Variants in FAM135B observed in about 807,000 individuals in gnomAD.
FAM135B encodes protein FAM135B.
In FAM135B, 43 loss-of-function variants were observed where a neutral mutation model predicts 127.7. That is an observed-to-expected ratio of 0.34 (90% CI 0.26 to 0.43). The LOEUF is 0.43. Among genes scored for constraint, FAM135B ranks in the 20% least tolerant of loss-of-function variants. The pLI is 1.00. For synonymous variants in FAM135B, 670 were observed against 665.1 expected (o/e 1.01, Z -0.11); for missense variants, 1,558 against 1,725.6 (o/e 0.90, Z 1.72).
chr8:138,274,679 G>A (rs1390177255), intron 3 of FAM135B, among the ~76,000 whole-genome samples: 5 of 152,004 alleles, frequency 3.3e-5, no homozygotes, highest in African/African-American at 9.7e-5. Context: ...AGACGACCAC[G>A]CCCAGGGGAG....
chr8:138,147,682 A>G (rs771522243), intron 14 of FAM135B, among the ~76,000 whole-genome samples: 4 of 152,206 alleles, frequency 2.6e-5, no homozygotes, highest in Non-Finnish European at 5.9e-5. Flanking sequence ...CTTGTTGCCC[A>G]GTTGATAATG....
intron 2 of FAM135B, among the ~76,000 whole-genome samples, chr8:138,315,727 C>A (rs1211153346): frequency 6.6e-6 from 1 of 151,194 alleles, no homozygotes; most frequent in Non-Finnish European, 1.5e-5. Flanking sequence ...AACTGAAGAA[C>A]ATTATGCTTA....
intron 1 of FAM135B, among the ~76,000 whole-genome samples, chr8:138,368,645 G>A (rs1587256375): frequency 2.6e-5 from 4 of 152,128 alleles, no homozygotes. Flanking sequence ...AGAGCATGTG[G>A]GTGCTGCTGC....
intron 9 of FAM135B, among the ~76,000 whole-genome samples, chr8:138,189,604 G>A (rs929264294): frequency 6.6e-6 from 1 of 152,170 alleles, no homozygotes; most frequent in East Asian, 1.9e-4. Flanking sequence ...AGATGCTGCT[G>A]TGAGGCCCAC....
intron 1 of FAM135B, among the ~76,000 whole-genome samples, chr8:138,465,479 C>G: frequency 6.6e-6 from 1 of 152,210 alleles, no homozygotes; most frequent in East Asian, 1.9e-4. Flanking sequence ...GTCCTTTTCA[C>G]TGATGGAGCT....
intron 12 of FAM135B, among the ~76,000 whole-genome samples, chr8:138,164,813 G>A (rs1268886176): frequency 1.3e-5 from 2 of 152,216 alleles, no homozygotes; most frequent in African/African-American, 4.8e-5. Context: ...TCCTGAGGCT[G>A]TGTCACGGGT....
At position 138,162,116 on chromosome 8, in the gene FAM135B, TAGG is replaced by T. The variant is rs1428207918; in HGVS notation, c.1258+5776_1258+5778del. Among the ~76,000 whole-genome samples, 13 of 152,264 alleles carry T rather than the reference TAGG, an allele frequency of 8.5e-5. No individual in the cohort carries two copies. In the East Asian group the frequency reaches 2.5e-3, roughly 29 times the overall value. On this transcript the variant is annotated intron_variant, in intron 12 of 19. Transcript: ENST00000395297. Reference sequence around the variant, plus strand: ...AAAATCCCTATCCTAGGCAGTGGCTTAGGAGGAGGGAAAGTGAGTACTAGTTAT... The same window carrying T: ...AAAATCCCTATCCTAGGCAGTGGCTTAGGAGGGAAAGTGAGTACTAGTTAT...
At chr8:138,455,451 T>C (rs1402080983) in intron 1 of FAM135B, among the ~76,000 whole-genome samples, 1 of 152,170 alleles carries the variant, frequency 6.6e-6, no homozygotes, top group Non-Finnish European at 1.5e-5. Context: ...GATGAAATAA[T>C]AATAAACAAT....
At chr8:138,472,073 A>C (rs1837705157) in intron 1 of FAM135B, among the ~76,000 whole-genome samples, 1 of 152,172 alleles carries the variant, frequency 6.6e-6, no homozygotes. Context: ...AATAAATGAG[A>C]AAATGAGGAC....
intron 1 of FAM135B, among the ~76,000 whole-genome samples, chr8:138,432,066 C>T (rs529700380): frequency 3.9e-5 from 6 of 152,278 alleles, no homozygotes; most frequent in South Asian, 2.1e-4. Flanking sequence ...CCCATCAGAA[C>T]GATCCCTGGG....
At chr8:138,239,336 C>T (rs956014546) in intron 7 of FAM135B, among the ~76,000 whole-genome samples, 11 of 152,248 alleles carry the variant, frequency 7.2e-5, no homozygotes, top group African/African-American at 2.6e-4. Flanking sequence ...TTTCATGTGT[C>T]TATTGGCTGC....
chr8:138,167,713 G>C (rs985711489), intron 12 of FAM135B, among the ~76,000 whole-genome samples, 182 bp downstream of exon 12: 1 of 152,036 alleles, frequency 6.6e-6, no homozygotes, highest in Non-Finnish European at 1.5e-5. Context: ...TTGTTAGATC[G>C]TTTTGTCTAT....
intron 1 of FAM135B, among the ~76,000 whole-genome samples, chr8:138,383,655 GT>G (rs577094379): frequency 1.3e-5 from 2 of 152,260 alleles, no homozygotes; most frequent in Middle Eastern, 3.4e-3. Flanking sequence ...AAAGAACATC[GT>G]TTTTTGTGTG....
At chr8:138,155,897 A>G (rs969067576) in intron 12 of FAM135B, among the ~76,000 whole-genome samples, 11 of 152,172 alleles carry the variant, frequency 7.2e-5, no homozygotes, top group Non-Finnish European at 1.5e-4. Context: ...CGAGACAGAA[A>G]GTTAACAAGG....
chr8:138,242,964 T>C lies in FAM135B; in HGVS notation c.647A>G (p.Tyr216Cys). The C allele has an allele frequency of 6.2e-7, 1 of 1,613,824 alleles. No individual in the cohort carries two copies. The highest frequency in any genetic ancestry group is 2.2e-5 in the East Asian group (1 of 44,854). The change falls in exon 7 of 20, where the codon TAC becomes TGC. Residue 216 changes from tyrosine to cysteine, a missense_variant. Coordinates refer to ENST00000395297, the MANE Select transcript of FAM135B (RefSeq NM_015912.4). The surrounding 1 kb of genome is among the most constrained non-coding windows in gnomAD (Gnocchi z 9.6). ...TACCTCTGAGGAAGTCGGCTTGCAGTACCCAGCTCCAAAGACCAAGTTTTC... is the reference window on the plus strand; with the variant it reads ...TACCTCTGAGGAAGTCGGCTTGCAGCACCCAGCTCCAAAGACCAAGTTTTC... Reference protein sequence around the residue: ...SLENLVFGAGYCKPTSSEGSF... With the variant: ...SLENLVFGAGCCKPTSSEGSF...
chr8:138,387,999 C>T (rs1259763548), intron 1 of FAM135B, among the ~76,000 whole-genome samples: 1 of 152,114 alleles, frequency 6.6e-6, no homozygotes, highest in Non-Finnish European at 1.5e-5. Flanking sequence ...CCAACAGGTA[C>T]ATGAAAAGAG....
chr8:138,342,065 A>T (rs2131064064), intron 2 of FAM135B, among the ~76,000 whole-genome samples: 1 of 152,324 alleles, frequency 6.6e-6, no homozygotes, highest in East Asian at 1.9e-4. Context: ...TGCTAGAAAC[A>T]CCTACTAGGC....
intron 1 of FAM135B, among the ~76,000 whole-genome samples, chr8:138,370,304 T>C (rs931210454): frequency 1.3e-5 from 2 of 152,146 alleles, no homozygotes; most frequent in Non-Finnish European, 2.9e-5. Flanking sequence ...ATGAATGGGA[T>C]AGAGTTTTGG....
intron 3 of FAM135B, 86 bp downstream of exon 3, chr8:138,310,755 C>G (rs1826624771): frequency 7.3e-6 from 9 of 1,236,558 alleles, no homozygotes; most frequent in Non-Finnish European, 1.0e-5. Context: ...GTCTACATGC[C>G]TTGCACTCTG....
Sources: gnomAD v4.1 joint callset for allele counts (sites outside exome capture counted in the v4.1 genomes callset) on GRCh38, gnomAD v4.1.1 for gene constraint, Gnocchi (gnomAD v3.1) non-coding constraint, MANE v1.5 for transcripts, NCBI Gene and HGNC (gene_info 2026-07-23, HGNC 2026-07-21) for gene names.